The following LRMDA variants were observed in gnomAD, a reference collection of about 807,000 sequenced individuals.
LRMDA encodes leucine-rich melanocyte differentiation-associated protein.
A neutral mutation model predicts 29.8 loss-of-function variants in LRMDA; 18 were observed. That is an observed-to-expected ratio of 0.60 (90% CI 0.42 to 0.90). The LOEUF is 0.90. Ranked by LOEUF, LRMDA falls within the 40% of genes least tolerant of loss-of-function variation. The pLI is 0.00. For missense variants in LRMDA, 273 were observed against 273.9 expected, an observed-to-expected ratio of 1.00 and a Z score of 0.02; for synonymous variants, 125 against 109.4, an observed-to-expected ratio of 1.14 and a Z score of -0.89.
chr10:75,975,781 A>T (rs1847059434), intron 2 of LRMDA, among the ~76,000 whole-genome samples: 1 of 152,174 alleles, frequency 6.6e-6, no homozygotes, highest in South Asian at 2.1e-4. Flanking sequence ...CAGGCTGATG[A>T]GCATCCCAGG....
At chr10:76,146,384 G>T (rs1850321443) in intron 5 of LRMDA, among the ~76,000 whole-genome samples, 1 of 151,622 alleles carries the variant, frequency 6.6e-6, no homozygotes, top group Admixed American at 6.6e-5. Context: ...CCTGTATTGG[G>T]TGCATATATA....
rs147199099 is a variant in LRMDA at position 75,583,597 on chromosome 10, A to G, written c.131+145103A>G. On this transcript the variant is annotated intron_variant, in intron 2 of 6. Transcript: ENST00000611255. ...CTCACCTCCAGTATTGGGGATTACA[A>G]TTCAACATGAGATTTAGTGGTGACA... Among the ~76,000 whole-genome samples the G allele has an allele frequency of 7.2e-5, 11 of 152,264 alleles. No homozygotes were observed. The East Asian group carries it at 1.5e-3, about 21-fold the overall frequency.
intron 5 of LRMDA, among the ~76,000 whole-genome samples, chr10:76,146,778 C>A (rs1393460475): frequency 6.6e-6 from 1 of 152,116 alleles, no homozygotes; most frequent in Non-Finnish European, 1.5e-5. Flanking sequence ...TTCTTCCTAG[C>A]CTTGATAGTC....
chr10:76,205,179 G>A (rs2132237751), intron 5 of LRMDA, among the ~76,000 whole-genome samples: 1 of 152,322 alleles, frequency 6.6e-6, no homozygotes, highest in South Asian at 2.1e-4. Context: ...CTGGAAAGCT[G>A]TGATGTCCCT....
intron 6 of LRMDA, among the ~76,000 whole-genome samples, chr10:76,416,151 G>A (rs1254334691): frequency 3.3e-5 from 5 of 152,196 alleles, no homozygotes; most frequent in East Asian, 1.9e-4. Flanking sequence ...TGAGGACAAA[G>A]CATTCAACTA....
At chr10:75,501,957 C>A (rs887296380) in intron 2 of LRMDA, among the ~76,000 whole-genome samples, 47 of 152,126 alleles carry the variant, frequency 3.1e-4, no homozygotes, top group African/African-American at 1.0e-3. Context: ...CTGTACCCAG[C>A]CTGTTTGTGC....
chr10:76,084,194 CTATT>C (rs113420141), intron 5 of LRMDA, among the ~76,000 whole-genome samples: 2 of 150,590 alleles, frequency 1.3e-5, no homozygotes, highest in African/African-American at 2.5e-5. Context: ...TTTCTTTTCT[CTATT>C]TATTTATTTA....
At chr10:75,678,845 A>G (rs1841991399) in intron 2 of LRMDA, among the ~76,000 whole-genome samples, 1 of 152,178 alleles carries the variant, frequency 6.6e-6, no homozygotes, top group African/African-American at 2.4e-5. Context: ...TTAATGTACA[A>G]GTGATTTCCA....
At chr10:75,692,535 A>G (rs574755495) in intron 2 of LRMDA, among the ~76,000 whole-genome samples, 3 of 149,082 alleles carry the variant, frequency 2.0e-5, no homozygotes, top group Non-Finnish European at 3.0e-5. Flanking sequence ...ATGCGTATGT[A>G]TACATATATA....
rs549893386 is a variant in LRMDA, at chr10:76,181,416, T to G, written c.516+122633T>G. 1.1e-4 allele frequency among the ~76,000 whole-genome samples: 16 copies of G among 152,344 alleles called. No homozygotes were observed. In the South Asian group the frequency reaches 3.3e-3, roughly 32 times the overall value. On this transcript the variant is annotated intron_variant, in intron 5 of 6. Coordinates refer to ENST00000611255, the MANE Select transcript of LRMDA (RefSeq NM_001305581.2). ...GAAGGTACCAACCATGTTTGCTAAT[T>G]TAACCATCAGATATCCCGTCCGAGT...
intron 2 of LRMDA, among the ~76,000 whole-genome samples, chr10:75,954,931 C>T (rs1275979650): frequency 6.6e-6 from 1 of 152,114 alleles, no homozygotes; most frequent in Admixed American, 6.5e-5. Context: ...TTTATGAATG[C>T]ACACAAGTGA....
intron 2 of LRMDA, among the ~76,000 whole-genome samples, chr10:75,707,705 G>A (rs759352920): frequency 3.3e-5 from 5 of 152,166 alleles, no homozygotes; most frequent in African/African-American, 7.2e-5. Context: ...ATGGGAAGGC[G>A]GACAGGGCTG....
At chr10:76,324,356 T>A (rs2132398116) in intron 5 of LRMDA, 45 bp from the exon 6 acceptor site, 1 of 1,512,842 alleles carries the variant, frequency 6.6e-7, no homozygotes, top group Middle Eastern at 1.7e-4. Context: ...ATTTGGTATT[T>A]GGTGTTTGGT....
chr10:76,328,452 A>G (rs558165354), intron 6 of LRMDA, among the ~76,000 whole-genome samples: 6 of 152,344 alleles, frequency 3.9e-5, no homozygotes, highest in African/African-American at 1.4e-4. Context: ...AGAGGGAGAC[A>G]TCAAGAATTG....
Position 76,557,362 on chromosome 10 carries a change from T to TAAAG in LRMDA, c.*78_*81dup. On this transcript the variant is annotated 3_prime_UTR_variant, in exon 7 of 7. Transcript: ENST00000611255. ...GGGAAATCAAAAATAAAGAAAACGC[T>TAAAG]AAAGAAAAAACAATAGCCCACATTG... 2 of 1,281,088 alleles carry TAAAG rather than the reference T, an allele frequency of 1.6e-6. No homozygotes were observed. Among genetic ancestry groups the TAAAG allele is most frequent in the Middle Eastern group, 1.9e-4 (1 of 5,266 alleles). 79.4% of individuals were successfully genotyped at this position (1,281,088 alleles called of 1,614,324 possible). A position where few individuals can be genotyped will look rare whatever the true frequency, so the allele number is the denominator to read the frequency against.
chr10:75,581,085 A>G (rs555022087), intron 2 of LRMDA, among the ~76,000 whole-genome samples: 3 of 152,312 alleles, frequency 2.0e-5, no homozygotes, highest in African/African-American at 4.8e-5. Flanking sequence ...TAATTAAACT[A>G]AAGAGCATCT....
intron 2 of LRMDA, among the ~76,000 whole-genome samples, chr10:75,607,341 A>C (rs1488116597): frequency 6.6e-6 from 1 of 152,238 alleles, no homozygotes; most frequent in Admixed American, 6.5e-5. Context: ...GTTAGATTCG[A>C]ATGAATAAAA....
At chr10:76,262,804 G>A (rs983754509) in intron 5 of LRMDA, among the ~76,000 whole-genome samples, 1 of 152,138 alleles carries the variant, frequency 6.6e-6, no homozygotes. Context: ...AGCTTACCAG[G>A]GTAAGTCATG....
intron 2 of LRMDA, among the ~76,000 whole-genome samples, chr10:75,458,267 T>G (rs770252335): frequency 2.6e-5 from 4 of 152,220 alleles, no homozygotes; most frequent in Non-Finnish European, 5.9e-5. Context: ...GGTTTATCTT[T>G]AAGATTATTT....
Sources: gnomAD v4.1 joint callset for allele counts (sites outside exome capture counted in the v4.1 genomes callset) on GRCh38, gnomAD v4.1.1 for gene constraint, MANE v1.5 for transcripts, NCBI Gene and HGNC (gene_info 2026-07-23, HGNC 2026-07-21) for gene names.